The following RBBP8 variants were observed in gnomAD, a reference collection of about 807,000 sequenced individuals.
RBBP8 encodes the protein DNA endonuclease RBBP8.
A neutral mutation model predicts 108.3 loss-of-function variants in RBBP8; 88 were observed. The observed-to-expected ratio is 0.81, with a 90% CI of 0.68 to 0.97. The LOEUF (loss-of-function observed/expected upper bound fraction) is 0.97, where lower values mean the gene tolerates loss of function less well. Among genes scored for constraint, RBBP8 ranks in the 50% least tolerant of loss-of-function variants. The pLI, the probability that RBBP8 is intolerant of heterozygous loss-of-function variation, is 0.00. For missense variants in RBBP8, 1,023 were observed against 1,049.0 expected, an observed-to-expected ratio of 0.98 and a Z score of 0.34; for synonymous variants, 332 against 348.2, an observed-to-expected ratio of 0.95 and a Z score of 0.52.
chr18:22,933,402 A>C lies in RBBP8; in HGVS notation c.-261A>C, dbSNP rs1050116387. 1 of 153,682 alleles carries C rather than the reference A, an allele frequency of 6.5e-6. No homozygotes were observed. Among genetic ancestry groups the C allele is most frequent in the Non-Finnish European group, 1.5e-5 (1 of 68,116 alleles). The allele number at this position is 153,682 out of a possible 1,614,324, so 9.5% of individuals were successfully genotyped here. On this transcript the variant is annotated 5_prime_UTR_variant, in exon 1 of 19. Coordinates refer to ENST00000327155, the MANE Select transcript of RBBP8 (RefSeq NM_002894.3). ...GCCCGGCCGGCAGCCCCCGGCCTTAAAGCGCGGGCTGTCCGGAGGGGTCGG... is the reference window on the plus strand; with the variant it reads ...GCCCGGCCGGCAGCCCCCGGCCTTACAGCGCGGGCTGTCCGGAGGGGTCGG...
At chr18:22,940,732 A>G (rs966176022) in intron 2 of RBBP8, among the ~76,000 whole-genome samples, 1 of 151,836 alleles carries the variant, frequency 6.6e-6, no homozygotes, top group Non-Finnish European at 1.5e-5. Flanking sequence ...CCGTAGCCTC[A>G]AATTCCAGGG....
intron 16 of RBBP8, 30 bp from the exon 17 acceptor site, chr18:23,016,798 C>A: frequency 1.4e-6 from 2 of 1,446,482 alleles, no homozygotes; most frequent in South Asian, 2.3e-5. Context: ...GAACTCTAAG[C>A]TTTGTTAATT....
upstream of RBBP8, among the ~76,000 whole-genome samples, chr18:22,931,270 C>A (rs568438034): frequency 6.6e-6 from 1 of 151,882 alleles, no homozygotes. Flanking sequence ...GACAATAGCA[C>A]GCAATGGCCT....
intron 5 of RBBP8, among the ~76,000 whole-genome samples, chr18:22,969,395 T>G (rs1220573818): frequency 2.0e-5 from 3 of 152,144 alleles, no homozygotes; most frequent in African/African-American, 2.4e-5. Context: ...CTTAGCCGCC[T>G]TCTTTTATTC....
intron 15 of RBBP8, among the ~76,000 whole-genome samples, chr18:23,003,072 C>T (rs1202634149): frequency 6.6e-6 from 1 of 152,190 alleles, no homozygotes; most frequent in Non-Finnish European, 1.5e-5. Flanking sequence ...GATGCTGCCT[C>T]GTTCTTTTCA....
chr18:23,017,142 G>A lies in RBBP8; in HGVS notation c.2454+218G>A, dbSNP rs548561613. On this transcript the variant is annotated intron_variant, in intron 17 of 18. Coordinates refer to ENST00000327155, the MANE Select transcript of RBBP8 (RefSeq NM_002894.3). Reference sequence around the variant, plus strand: ...GGCCAAGGAGGGCGGATCACTTGAGGCCAGAAGATCGAGACTGGCCTGGCC... The same window carrying A: ...GGCCAAGGAGGGCGGATCACTTGAGACCAGAAGATCGAGACTGGCCTGGCC... Among the ~76,000 whole-genome samples, 9 of 149,342 alleles carry A rather than the reference G, an allele frequency of 6.0e-5. No homozygotes were observed. The South Asian group carries it at 1.7e-3, about 28-fold the overall frequency.
intron 3 of RBBP8, among the ~76,000 whole-genome samples, chr18:22,948,229 T>C (rs182955379): frequency 2.2e-4 from 34 of 152,238 alleles, no homozygotes; most frequent in African/African-American, 8.2e-4. Flanking sequence ...TTTGAATACA[T>C]GTTGGCAGTC....
At chr18:22,929,162 T>C (rs566035903), upstream of RBBP8, among the ~76,000 whole-genome samples, 2 of 152,226 alleles carry the variant, frequency 1.3e-5, no homozygotes, top group South Asian at 4.2e-4. Context: ...TAATTCAAAA[T>C]TATATTTAAG....
chr18:22,981,552 T>C (rs1332127955), intron 6 of RBBP8, among the ~76,000 whole-genome samples: 11 of 152,208 alleles, frequency 7.2e-5, no homozygotes, highest in Admixed American at 2.0e-4. Flanking sequence ...ATAATTTAAA[T>C]AGTGCCGGGC....
chr18:23,015,286 G>T (rs1284708439), intron 16 of RBBP8, among the ~76,000 whole-genome samples: 1 of 152,014 alleles, frequency 6.6e-6, no homozygotes, highest in Non-Finnish European at 1.5e-5. Context: ...TGAAATCTGG[G>T]TTCTTAGTAC....
At chr18:22,976,020 A>C (rs185152026) in intron 6 of RBBP8, among the ~76,000 whole-genome samples, 2 of 152,270 alleles carry the variant, frequency 1.3e-5, no homozygotes, top group African/African-American at 4.8e-5. Context: ...GGATAATCCT[A>C]ATGGCGTTAT....
chr18:22,989,075 T>G, intron 8 of RBBP8, 146 bp from the exon 9 acceptor site: 1 of 569,224 alleles, frequency 1.8e-6, no homozygotes. Context: ...TTGGACTTTT[T>G]GCACAGAATT....
Position 22,992,975 on chromosome 18 carries a change from C to T in RBBP8, c.1148C>T (p.Ala383Val). Residue 383 changes from alanine (A) to valine (V), a missense_variant, in exon 11 of 19, where the codon GCC (alanine) becomes GTC (valine). Coordinates refer to ENST00000327155, the MANE Select transcript of RBBP8 (RefSeq NM_002894.3). ...EKTRSKSEDS[A>V]LFTHHSLGSE... ...ACTAGATCAAAATCTGAAGATAGTG[C>T]CCTTTTCACACATCACAGTCTTGGG... 6.2e-7 allele frequency: 1 copy of T among 1,613,418 alleles called. No homozygotes were observed. The highest frequency in any genetic ancestry group is 2.2e-5 in the East Asian group (1 of 44,868).
intron 3 of RBBP8, among the ~76,000 whole-genome samples, chr18:22,918,862 C>T (rs755033493): frequency 5.0e-4 from 76 of 152,128 alleles, no homozygotes; most frequent in Non-Finnish European, 9.7e-4. Flanking sequence ...ATCTTCCCAC[C>T]TCAGCCTAAG....
At chr18:23,014,665 T>C (rs1184012378) in intron 16 of RBBP8, among the ~76,000 whole-genome samples, 2 of 152,106 alleles carry the variant, frequency 1.3e-5, no homozygotes, top group Non-Finnish European at 2.9e-5. Context: ...ATGAATAAAA[T>C]AAAATGTTGT....
intron 14 of RBBP8, 114 bp downstream of exon 14, chr18:22,997,848 C>T: frequency 2.6e-6 from 2 of 772,456 alleles, no homozygotes; most frequent in Non-Finnish European, 4.5e-6. Context: ...AGGTTTTTTC[C>T]TGCTCTGTTA....
At position 22,991,009 on chromosome 18, in the gene RBBP8, C is replaced by G. The variant is rs376964811; in HGVS notation, c.880C>G (p.Pro294Ala). 16 of 1,613,400 alleles carry G rather than the reference C, an allele frequency of 9.9e-6. No individual in the cohort carries two copies. Among genetic ancestry groups the G allele is most frequent in the Admixed American group, 3.3e-5 (2 of 59,990 alleles). The part of the protein sequence containing the change: ...HCLEGNHKKQ[P>A]FEESTRNTED... ...TCTGGAAGGAAATCACAAGAAACAG[C>G]CTTTTGAGGAATCTACAAGAAATAC... Residue 294 changes from proline (P) to alanine (A), a missense_variant, in exon 10 of 19, where the codon CCT becomes GCT. Coordinates refer to ENST00000327155, the MANE Select transcript of RBBP8 (RefSeq NM_002894.3).
chr18:23,013,701 G>A (rs2046209918), intron 16 of RBBP8, among the ~76,000 whole-genome samples: 1 of 152,204 alleles, frequency 6.6e-6, no homozygotes, highest in African/African-American at 2.4e-5. Context: ...AAATAACCTC[G>A]TGGCTAATTT....
chr18:22,989,578 C>T (rs796895839), intron 9 of RBBP8, among the ~76,000 whole-genome samples: 13 of 152,084 alleles, frequency 8.5e-5, no homozygotes, highest in African/African-American at 3.1e-4. Context: ...CAACTTTCTT[C>T]CCTTCCCCCT....
Sources: gnomAD v4.1 joint callset for allele counts (sites outside exome capture counted in the v4.1 genomes callset) on GRCh38, gnomAD v4.1.1 for gene constraint, MANE v1.5 for transcripts, NCBI Gene and HGNC (gene_info 2026-07-23, HGNC 2026-07-21) for gene names.